Variants in NTM observed in about 807,000 individuals in gnomAD.
The protein encoded by NTM is IgLON family member 2.
A neutral mutation model predicts 42.1 loss-of-function variants in NTM; 13 were observed. The observed-to-expected ratio is 0.31, with a 90% CI of 0.20 to 0.49. NTM has a LOEUF of 0.49. Ranked by LOEUF, NTM falls within the 20% of genes least tolerant of loss-of-function variation. The probability of loss-of-function intolerance (pLI) is 0.99; values close to 1 mark genes in which losing one functional copy is unlikely to be tolerated. For synonymous variants in NTM, 187 were observed against 179.2 expected, an observed-to-expected ratio of 1.04 and a Z score of -0.35; for missense variants, 373 against 452.8, an observed-to-expected ratio of 0.82 and a Z score of 1.60.
chr11:131,581,660 CA>C (rs1216617915), intron 1 of NTM, among the ~76,000 whole-genome samples: 3 of 152,150 alleles, frequency 2.0e-5, no homozygotes, highest in East Asian at 3.9e-4. Flanking sequence ...TGGTCCATTT[CA>C]AAGTTTGGTT....
At chr11:131,432,839 C>CCTTTTTTTTTTTTTTTTTTTTTTTTTT (rs1565494793) in intron 1 of NTM, among the ~76,000 whole-genome samples, 6 of 68,704 alleles carry the variant, frequency 8.7e-5, no homozygotes, top group Non-Finnish European at 1.3e-4. Context: ...ATTTAGCATT[C>CCTTTTTTTTTTTTTTTTTTTTTTTTTT]TTTTTTTTTT....
At chr11:131,794,787 T>C (rs1428113338) in intron 1 of NTM, 13 of 985,312 alleles carry the variant, frequency 1.3e-5, no homozygotes, top group Middle Eastern at 5.2e-4. Context: ...AAAGCATTCA[T>C]GTACTTTGGA....
chr11:131,508,161 T>C (rs1468692524), intron 1 of NTM, among the ~76,000 whole-genome samples: 1 of 146,204 alleles, frequency 6.8e-6, no homozygotes, highest in African/African-American at 2.6e-5. Context: ...ATATCCAGAA[T>C]CTACAATGAA....
Position 131,789,635 on chromosome 11 carries a change from AAAAGAAGAAG to A in NTM, c.83-121926_83-121917del, listed in dbSNP as rs1450511298. Among the ~76,000 whole-genome samples the A allele has an allele frequency of 3.8e-3, 145 of 37,926 alleles. 7 individuals carry two copies. Among genetic ancestry groups the A allele is most frequent in the African/African-American group, 0.013 (138 of 10,652 alleles). The allele number at this position is 37,926 out of a possible 152,430, so 24.9% of individuals were successfully genotyped here. A position where few individuals can be genotyped will look rare whatever the true frequency, so the allele number is the denominator to read the frequency against. On this transcript the variant is annotated intron_variant, in intron 1 of 8. Transcript: ENST00000683400. ...GAAGAAGAAGAAGAAGAAGAAGAAG[AAAAGAAGAAG>A]AAGAAGAAGAAGAAGAAGAAGAAAG...
chr11:131,952,545 C>T (rs11222849), intron 2 of NTM, among the ~76,000 whole-genome samples: 40,563 of 152,026 alleles, frequency 0.27, 5,726 homozygotes, highest in Middle Eastern at 0.42. Flanking sequence ...TTAGTGGCCT[C>T]AGATTTTTTC....
At chr11:131,377,745 T>A (rs1400246592) in intron 1 of NTM, among the ~76,000 whole-genome samples, 1 of 152,232 alleles carries the variant, frequency 6.6e-6, no homozygotes, top group Admixed American at 6.5e-5. Flanking sequence ...TGCAGCACTG[T>A]GTGTACAGAG....
intron 2 of NTM, among the ~76,000 whole-genome samples, chr11:131,992,574 G>A (rs534676605): frequency 6.7e-4 from 102 of 152,122 alleles, no homozygotes; most frequent in African/African-American, 2.4e-3. Context: ...TTTTCTCATG[G>A]CTTTTTTATT....
intron 7 of NTM, among the ~76,000 whole-genome samples, chr11:132,326,073 C>T (rs377395635): frequency 7.9e-5 from 12 of 151,904 alleles, no homozygotes; most frequent in Admixed American, 3.3e-4. Context: ...TGCTAAATGA[C>T]GAGTTAATGG....
intron 1 of NTM, among the ~76,000 whole-genome samples, chr11:131,649,671 G>T (rs961175322): frequency 6.6e-6 from 1 of 152,136 alleles, no homozygotes; most frequent in African/African-American, 2.4e-5. Flanking sequence ...TGTTTGGGTG[G>T]GGGGAGGCGG....
intron 1 of NTM, among the ~76,000 whole-genome samples, chr11:131,638,321 C>G (rs1342871232): frequency 6.6e-6 from 1 of 152,126 alleles, no homozygotes; most frequent in Non-Finnish European, 1.5e-5. Flanking sequence ...AATCCCAGCA[C>G]TTTGGGAGGC....
At chr11:132,320,889 C>A (rs2095550048) in intron 7 of NTM, among the ~76,000 whole-genome samples, 1 of 151,700 alleles carries the variant, frequency 6.6e-6, no homozygotes, top group Non-Finnish European at 1.5e-5. Context: ...AGCAGCCTAA[C>A]TGGGAGGCAC....
At chr11:131,667,481 C>T (rs549978675) in intron 1 of NTM, among the ~76,000 whole-genome samples, 1 of 152,276 alleles carries the variant, frequency 6.6e-6, no homozygotes, top group African/African-American at 2.4e-5. Flanking sequence ...TGTAAGCATT[C>T]ATTGGTGCTC....
intron 2 of NTM, among the ~76,000 whole-genome samples, chr11:131,941,602 C>T (rs2059799860): frequency 6.6e-6 from 1 of 152,172 alleles, no homozygotes; most frequent in African/African-American, 2.4e-5. Flanking sequence ...GTGCAGAACA[C>T]TGTGGAACAA....
At chr11:131,973,512 T>C (rs1430150100) in intron 2 of NTM, among the ~76,000 whole-genome samples, 1 of 152,226 alleles carries the variant, frequency 6.6e-6, no homozygotes, top group African/African-American at 2.4e-5. Flanking sequence ...TCTTCTCATC[T>C]TGTTTTTAGA....
At chr11:131,874,433 A>C (rs1419585709) in intron 1 of NTM, among the ~76,000 whole-genome samples, 1 of 152,174 alleles carries the variant, frequency 6.6e-6, no homozygotes, top group African/African-American at 2.4e-5. Context: ...ACAAAATAAC[A>C]GTTAAGACAT....
intron 2 of NTM, among the ~76,000 whole-genome samples, chr11:132,059,741 C>T (rs11222896): frequency 0.26 from 39,330 of 150,502 alleles, 5,204 homozygotes; most frequent in South Asian, 0.29. Flanking sequence ...CACCACCCCC[C>T]ATCACCCCCT....
At chr11:131,900,484 G>T (rs949987888) in intron 1 of NTM, among the ~76,000 whole-genome samples, 2 of 152,238 alleles carry the variant, frequency 1.3e-5, no homozygotes, top group African/African-American at 4.8e-5. Context: ...AACAGAGCTG[G>T]CAAGAGCAGA....
At chr11:131,379,591 T>C (rs1259248380) in intron 1 of NTM, among the ~76,000 whole-genome samples, 2 of 152,202 alleles carry the variant, frequency 1.3e-5, no homozygotes, top group African/African-American at 4.8e-5. Context: ...TGTAAGGTTA[T>C]TATAAGGAAT....
chr11:131,738,206 G>A (rs1310860933), intron 1 of NTM, among the ~76,000 whole-genome samples: 1 of 152,174 alleles, frequency 6.6e-6, no homozygotes, highest in Non-Finnish European at 1.5e-5. Flanking sequence ...GTGCAATCCA[G>A]GCCAATGCAG....
Sources: allele counts gnomAD v4.1 joint callset (sites outside exome capture counted in the v4.1 genomes callset), GRCh38; gene constraint gnomAD v4.1.1; transcripts MANE v1.5; gene names NCBI Gene and HGNC (gene_info 2026-07-23, HGNC 2026-07-21).